DNAH14: variants seen among roughly 807,000 people sequenced by gnomAD.
DNAH14 encodes dynein axonemal heavy chain 14.
Under a neutral mutation model 520.9 loss-of-function variants are expected in DNAH14, and 478 were observed. That is an observed-to-expected ratio of 0.92 (90% CI 0.85 to 0.99). The LOEUF is 0.99. Among genes scored for constraint, DNAH14 ranks in the 50% least tolerant of loss-of-function variants. The probability of loss-of-function intolerance (pLI) is 0.00; values close to 1 mark genes in which losing one functional copy is unlikely to be tolerated. For synonymous variants in DNAH14, 1,581 were observed against 1,757.2 expected (o/e 0.90, Z 2.51); for missense variants, 4,831 against 5,234.5 (o/e 0.92, Z 2.38).
chr1:225,141,015 G>A lies in DNAH14; in HGVS notation c.4502G>A (p.Trp1501Ter). The A allele has an allele frequency of 6.5e-7, 1 of 1,542,002 alleles. No individual in the cohort carries two copies. Among genetic ancestry groups the A allele is most frequent in the Non-Finnish European group, 8.8e-7 (1 of 1,141,222 alleles). Reference sequence around the variant, plus strand: ...ATCTTCAATGCAGAGGATTTTGAGTGGACAAGGTAGGTGGATCTAAATTAT... The same window carrying A: ...ATCTTCAATGCAGAGGATTTTGAGTAGACAAGGTAGGTGGATCTAAATTAT... ...KNIFNAEDFE[W>*]TRHLQYKWNE... Residue 1501 changes from tryptophan to a stop codon, truncating the protein, a stop_gained, in exon 28 of 86, where the codon TGG (tryptophan) becomes TAG (stop). Transcript: ENST00000682510. LOFTEE classifies it high-confidence loss of function.
chr1:225,367,504 A>G (rs1012907472), intron 76 of DNAH14, among the ~76,000 whole-genome samples: 1 of 152,186 alleles, frequency 6.6e-6, no homozygotes, highest in African/African-American at 2.4e-5. Context: ...ATAACTCTTC[A>G]TTGTCAAAGT....
At chr1:225,126,901 T>C (rs910941497) in intron 27 of DNAH14, among the ~76,000 whole-genome samples, 5 of 152,008 alleles carry the variant, frequency 3.3e-5, no homozygotes, top group Non-Finnish European at 7.3e-5. Context: ...GATTCTGGTA[T>C]GTTGTGTCTT....
chr1:225,139,504 C>T (rs1169673107), intron 27 of DNAH14, among the ~76,000 whole-genome samples: 2 of 152,118 alleles, frequency 1.3e-5, no homozygotes, highest in African/African-American at 4.8e-5. Context: ...TGTCACATGA[C>T]TAGGAGTTGT....
chr1:225,091,996 A>G (rs2074439973), intron 21 of DNAH14, among the ~76,000 whole-genome samples: 1 of 152,158 alleles, frequency 6.6e-6, no homozygotes, highest in Non-Finnish European at 1.5e-5. Flanking sequence ...CATAATGGTA[A>G]AGGGTTCAAT....
chr1:225,119,426 G>A (rs1215520113), intron 26 of DNAH14, 132 bp downstream of exon 26: 1 of 550,582 alleles, frequency 1.8e-6, no homozygotes, highest in African/African-American at 2.0e-5. Flanking sequence ...AGAATATGGA[G>A]TCAAATCTCT....
At chr1:225,317,354 A>G (rs12121032) in intron 60 of DNAH14, among the ~76,000 whole-genome samples, 13,982 of 152,074 alleles carry the variant, frequency 0.092, 1,072 homozygotes, top group African/African-American at 0.21. Context: ...AAAATTTTTC[A>G]TTATGATTTG....
rs577861633 is a variant in DNAH14, at chr1:225,361,530, T to C, written c.11987+639T>C. The stretch of plus-strand genomic sequence containing the variant: ...CTCCAGCCTTGGTTTTCTTTCTTCT[T>C]TACTTTTCATGGCCAATATCCTGTG... On this transcript the variant is annotated intron_variant, in intron 75 of 85. Transcript: ENST00000682510. Among the ~76,000 whole-genome samples the C allele has an allele frequency of 3.3e-5, 5 of 152,360 alleles. No individual in the cohort carries two copies. The South Asian group carries it at 1.0e-3, about 32-fold the overall frequency.
At chr1:225,319,257 C>T (rs1340008840) in intron 61 of DNAH14, among the ~76,000 whole-genome samples, 1 of 152,098 alleles carries the variant, frequency 6.6e-6, no homozygotes, top group Non-Finnish European at 1.5e-5. Flanking sequence ...GAAGAGAATA[C>T]ATAAGAAAAT....
intron 8 of DNAH14, among the ~76,000 whole-genome samples, chr1:224,984,461 C>A (rs1469404362): frequency 6.6e-6 from 1 of 152,140 alleles, no homozygotes; most frequent in Non-Finnish European, 1.5e-5. Flanking sequence ...ATTGGAAAAA[C>A]CTTTCTAGAC....
intron 17 of DNAH14, among the ~76,000 whole-genome samples, chr1:225,071,938 T>G (rs2071596827): frequency 6.6e-6 from 1 of 152,134 alleles, no homozygotes; most frequent in Admixed American, 6.5e-5. Context: ...AAGGTGAGAT[T>G]TGGGTGGGGA....
chr1:225,197,874 G>T lies in DNAH14; in HGVS notation c.5886+4963G>T, dbSNP rs114802475. Among the ~76,000 whole-genome samples the T allele has an allele frequency of 5.0e-3, 760 of 152,218 alleles. 6 individuals carry two copies. The highest frequency in any genetic ancestry group is 0.017 in the African/African-American group (717 of 41,532). ...GTGTATAGAAGAGCTACTGATTTGC[G>T]TGCATTAATTCTGTATTTAGAAACT... On this transcript the variant is annotated intron_variant, in intron 38 of 85. Coordinates refer to ENST00000682510, the MANE Select transcript of DNAH14 (RefSeq NM_001367479.1).
chr1:225,002,942 A>G lies in DNAH14; in HGVS notation c.975+15A>G, dbSNP rs1218414675. The G allele has an allele frequency of 6.6e-7, 1 of 1,522,590 alleles. No homozygotes were observed. The highest frequency in any genetic ancestry group is 2.2e-5 in the Admixed American group (1 of 45,736). The allele number at this position is 1,522,590 out of a possible 1,614,324, so 94.3% of individuals were successfully genotyped here. On this transcript the variant is annotated intron_variant, in intron 9 of 85. Coordinates refer to ENST00000682510, the MANE Select transcript of DNAH14 (RefSeq NM_001367479.1). ...GCCTTGTAAAGGTGAGTAGAAGTATACTACTATAAGCTAATATTGGTATAT... is the reference window on the plus strand; with the variant it reads ...GCCTTGTAAAGGTGAGTAGAAGTATGCTACTATAAGCTAATATTGGTATAT...
chr1:225,363,965 T>C (rs1446089857), intron 75 of DNAH14, among the ~76,000 whole-genome samples: 2 of 152,212 alleles, frequency 1.3e-5, no homozygotes, highest in East Asian at 3.8e-4. Context: ...GTGAGGCTGG[T>C]TGAATCCATG....
chr1:225,204,128 T>A, intron 38 of DNAH14, 55 bp from the exon 39 acceptor site: 1 of 881,272 alleles, frequency 1.1e-6, no homozygotes, highest in Non-Finnish European at 1.6e-6. Flanking sequence ...TAATCCATTG[T>A]AGTTGAAAAG....
At chr1:225,007,353 A>G (rs1457790607) in intron 9 of DNAH14, 60 bp from the exon 10 acceptor site, 1 of 1,343,954 alleles carries the variant, frequency 7.4e-7, no homozygotes, top group Non-Finnish European at 9.7e-7. Flanking sequence ...CAAATATTTT[A>G]TCTTTTTTAA....
chr1:224,949,621 A>G (rs1038382820), intron 1 of DNAH14, among the ~76,000 whole-genome samples: 15 of 152,302 alleles, frequency 9.8e-5, no homozygotes, highest in Middle Eastern at 6.8e-3. Context: ...TGAATATTGT[A>G]TGGGCAACCT....
chr1:225,082,197 T>TGTGTGTGTGTGTGC (rs374597749), intron 19 of DNAH14, among the ~76,000 whole-genome samples: 35 of 151,812 alleles, frequency 2.3e-4, no homozygotes, highest in South Asian at 1.0e-3. Flanking sequence ...TGTGTGTGTG[T>TGTGTGTGTGTGTGC]GCACATGCGC....
rs1222668802 is a variant in DNAH14 at position 225,392,439 on chromosome 1, GA to G, written c.13480del (p.Arg4494GlufsTer96). The G allele has an allele frequency of 6.4e-7, 1 of 1,551,806 alleles. No individual in the cohort carries two copies. Among genetic ancestry groups the G allele is most frequent in the South Asian group, 1.2e-5 (1 of 84,062 alleles). On this transcript the variant is annotated frameshift_variant, in exon 84 of 86. Coordinates refer to ENST00000682510, the MANE Select transcript of DNAH14 (RefSeq NM_001367479.1). LOFTEE classifies it high-confidence loss of function. ...TGCCAAAGAAACTCAACATAGTCAG[GA>G]GAGCGTTTAAGGTACTGGAATACTT... is the stretch of plus-strand genomic sequence containing the variant. ...FMPKKLNIVR[R>X]AFKGSASSHT...
At position 225,206,069 on chromosome 1, in the gene DNAH14, G is replaced by T. The variant is rs1559287870; in HGVS notation, c.6076G>T (p.Ala2026Ser). Residue 2026 changes from alanine to serine, a missense_variant, in exon 40 of 86, where the codon GCA (alanine) becomes TCA (serine). Ala to Ser is a moderately conservative substitution (Grantham distance 99). Transcript: ENST00000682510. Reference protein sequence around the residue: ...VLDDTRTLCLANSERIALTNK... With the variant: ...VLDDTRTLCLSNSERIALTNK... ...AGATGATACTAGAACATTGTGCCTAGCAAACAGTGAGAGAATAGCTTTAAC... is the reference window on the plus strand; with the variant it reads ...AGATGATACTAGAACATTGTGCCTATCAAACAGTGAGAGAATAGCTTTAAC... 6.4e-7 allele frequency: 1 copy of T among 1,551,550 alleles called. No homozygotes were observed. The highest frequency in any genetic ancestry group is 8.7e-7 in the Non-Finnish European group (1 of 1,146,856).
Sources: allele counts gnomAD v4.1 joint callset (sites outside exome capture counted in the v4.1 genomes callset), GRCh38; gene constraint gnomAD v4.1.1; transcripts MANE v1.5; gene names NCBI Gene and HGNC (gene_info 2026-07-23, HGNC 2026-07-21).